Variants in IGF2BP3 observed in about 807,000 individuals in gnomAD.
IGF2BP3 encodes insulin-like growth factor 2 mRNA-binding protein 3.
Under a neutral mutation model 73.8 loss-of-function variants are expected in IGF2BP3, and 9 were observed. The ratio of observed to expected loss-of-function variants is 0.12; its 90% CI spans 0.07 to 0.21. The LOEUF (loss-of-function observed/expected upper bound fraction) is 0.21, where lower values mean the gene tolerates loss of function less well. Ranked by LOEUF, IGF2BP3 falls within the 10% of genes least tolerant of loss-of-function variation. IGF2BP3 has a pLI of 1.00. For synonymous variants in IGF2BP3, 258 were observed against 256.7 expected (o/e 1.01, Z -0.05); for missense variants, 542 against 714.0 (o/e 0.76, Z 2.75).
intron 3 of IGF2BP3, chr7:23,413,865 C>G (rs1191566990): frequency 1.3e-5 from 2 of 152,164 alleles, no homozygotes; most frequent in Admixed American, 1.3e-4. Flanking sequence ...ACCTAATTCT[C>G]TAGCAGTGAG....
At chr7:23,410,802 G>T (rs757218402) in intron 3 of IGF2BP3, among the ~76,000 whole-genome samples, 3 of 152,184 alleles carry the variant, frequency 2.0e-5, no homozygotes, top group Admixed American at 1.3e-4. Context: ...AGAAGAAACA[G>T]GAACAACCCT....
At chr7:23,415,984 T>C (rs1311605515) in intron 3 of IGF2BP3, 1 of 152,272 alleles carries the variant, frequency 6.6e-6, no homozygotes, top group African/African-American at 2.4e-5. Flanking sequence ...CTAAAACATA[T>C]TGTGTACTTA....
At chr7:23,324,654 T>C (rs1784244871) in intron 10 of IGF2BP3, among the ~76,000 whole-genome samples, 2 of 83,208 alleles carry the variant, frequency 2.4e-5, no homozygotes, top group African/African-American at 5.4e-5. Context: ...TTGATGAACA[T>C]TGATGCAAAA....
intron 13 of IGF2BP3, 115 bp downstream of exon 13, chr7:23,313,407 G>C (rs940988806): frequency 8.4e-7 from 1 of 1,187,202 alleles, no homozygotes; most frequent in East Asian, 2.4e-5. Context: ...CCAAACCTTG[G>C]TCAAGATGGT....
At chr7:23,345,028 G>C (rs1457268530) in intron 8 of IGF2BP3, among the ~76,000 whole-genome samples, 1 of 152,154 alleles carries the variant, frequency 6.6e-6, no homozygotes, top group African/African-American at 2.4e-5. Flanking sequence ...TTACCACTTT[G>C]TGGGGTTTTT....
At chr7:23,343,407 T>C (rs1160226905) in intron 9 of IGF2BP3, among the ~76,000 whole-genome samples, 2 of 152,196 alleles carry the variant, frequency 1.3e-5, no homozygotes, top group Non-Finnish European at 1.5e-5. Context: ...TTCTTCTATA[T>C]TAAACTCTCT....
intron 3 of IGF2BP3, among the ~76,000 whole-genome samples, chr7:23,377,090 A>T (rs1025017019): frequency 1.3e-5 from 2 of 152,188 alleles, no homozygotes; most frequent in Non-Finnish European, 2.9e-5. Context: ...CCAATTACAT[A>T]ATGTTTATGA....
At chr7:23,316,476 G>GT (rs763500063) in intron 12 of IGF2BP3, among the ~76,000 whole-genome samples, 6 of 152,056 alleles carry the variant, frequency 3.9e-5, no homozygotes, top group Non-Finnish European at 7.4e-5. Context: ...GAGGTCAGGA[G>GT]TTTGAGTGTG....
chr7:23,329,087 C>T (rs911262519), intron 10 of IGF2BP3, among the ~76,000 whole-genome samples: 1 of 151,938 alleles, frequency 6.6e-6, no homozygotes, highest in Admixed American at 6.6e-5. Flanking sequence ...GTGGCGGGCA[C>T]CTGTAGTCCC....
intron 10 of IGF2BP3, among the ~76,000 whole-genome samples, chr7:23,340,567 G>C (rs1453282445): frequency 6.6e-6 from 1 of 152,154 alleles, no homozygotes; most frequent in Non-Finnish European, 1.5e-5. Flanking sequence ...CCAAATTGGT[G>C]TAAGAGGTAT....
intron 3 of IGF2BP3, among the ~76,000 whole-genome samples, chr7:23,390,531 T>C (rs1396225326): frequency 6.6e-6 from 1 of 152,056 alleles, no homozygotes; most frequent in Admixed American, 6.6e-5. Flanking sequence ...TCGTTAGGAG[T>C]AGCTGGTGGG....
chr7:23,338,360 G>A (rs972907089), intron 10 of IGF2BP3, among the ~76,000 whole-genome samples: 8 of 152,100 alleles, frequency 5.3e-5, no homozygotes, highest in Non-Finnish European at 1.2e-4. Flanking sequence ...ATTCTTTGTA[G>A]AACAGAAGTT....
At chr7:23,407,181 T>G (rs1197246590) in intron 3 of IGF2BP3, among the ~76,000 whole-genome samples, 1 of 121,178 alleles carries the variant, frequency 8.3e-6, no homozygotes, top group African/African-American at 3.1e-5. Context: ...ATGTAGTTAT[T>G]AAAAAAAAAA....
intron 2 of IGF2BP3, among the ~76,000 whole-genome samples, chr7:23,424,786 T>C (rs917720720): frequency 1.3e-5 from 2 of 152,190 alleles, no homozygotes; most frequent in African/African-American, 4.8e-5. Context: ...GAGCAGCTCA[T>C]GTAGACTCTG....
intron 3 of IGF2BP3, among the ~76,000 whole-genome samples, chr7:23,416,791 C>T (rs1186330090): frequency 3.9e-5 from 6 of 152,212 alleles, no homozygotes; most frequent in African/African-American, 9.6e-5. Context: ...CAGTGGCTCA[C>T]GCCTGTAATC....
chr7:23,412,549 T>C (rs1027431890), intron 3 of IGF2BP3, among the ~76,000 whole-genome samples: 6 of 152,186 alleles, frequency 3.9e-5, no homozygotes, highest in Admixed American at 6.5e-5. Flanking sequence ...CCCACCAGCA[T>C]GGAGAACCTG....
chr7:23,444,093 G>C (rs562758946), intron 2 of IGF2BP3, among the ~76,000 whole-genome samples: 55 of 152,278 alleles, frequency 3.6e-4, no homozygotes, highest in Admixed American at 7.8e-4. Flanking sequence ...AATGTGTTGT[G>C]CATATGCTAT....
intron 3 of IGF2BP3, among the ~76,000 whole-genome samples, chr7:23,387,276 T>C (rs990278764): frequency 4.6e-5 from 7 of 152,116 alleles, no homozygotes; most frequent in Admixed American, 3.9e-4. Flanking sequence ...TGAGGGTCAT[T>C]TGACAAAATA....
intron 3 of IGF2BP3, among the ~76,000 whole-genome samples, chr7:23,368,575 T>TA (rs760630095): frequency 6.6e-6 from 1 of 152,048 alleles, no homozygotes; most frequent in African/African-American, 2.4e-5. Context: ...GAAGGTGTCC[T>TA]AAAAATGTGG....
Sources: gnomAD v4.1 joint callset for allele counts (sites outside exome capture counted in the v4.1 genomes callset) on GRCh38, gnomAD v4.1.1 for gene constraint, MANE v1.5 for transcripts, NCBI Gene and HGNC (gene_info 2026-07-23, HGNC 2026-07-21) for gene names.